Variants in ULK3 observed in about 807,000 individuals in gnomAD.
ULK3 encodes serine/threonine-protein kinase ULK3.
ULK3 carries 54 observed loss-of-function variants against 69.4 expected under a neutral mutation model. That is an observed-to-expected ratio of 0.78 (90% CI 0.63 to 0.98). The LOEUF is 0.98. ULK3 is among the 50% of genes least tolerant of loss of function. The probability of loss-of-function intolerance (pLI) is 0.00; values close to 1 mark genes in which losing one functional copy is unlikely to be tolerated. For synonymous variants in ULK3, 240 were observed against 254.5 expected (o/e 0.94, Z 0.54); for missense variants, 558 against 627.7 (o/e 0.89, Z 1.19).
Position 74,842,373 on chromosome 15 carries a change from A to T in ULK3, c.150T>A (p.Ser50Arg). Reference protein sequence around the residue: ...VVAIKCVAKKSLNKASVENLL... With the variant: ...VVAIKCVAKKRLNKASVENLL... ...GGTTCTCCACCGATGCCTTGTTCAG[A>T]CTTTTCTTGGCTACACACTTTATGG... Residue 50 changes from serine (S) to arginine (R), a missense_variant, in exon 2 of 16, where the codon AGT (serine) becomes AGA (arginine). Physicochemically the swap from Ser to Arg is moderately radical, Grantham distance 110. Coordinates refer to ENST00000440863, the MANE Select transcript of ULK3 (RefSeq NM_001099436.4). The surrounding 1 kb of genome is among the most constrained non-coding windows in gnomAD (Gnocchi z 4.9). 6.2e-7 allele frequency: 1 copy of T among 1,613,924 alleles called. No homozygotes were observed. The highest frequency in any genetic ancestry group is 8.5e-7 in the Non-Finnish European group (1 of 1,179,884).
Position 74,839,056 on chromosome 15 carries a change from G to C in ULK3, c.959-6C>G. ...CCGCTGGGCATCCACTTCATCTGCA[G>C]AAAGTGAGGTCATATGAGGAGTCTG... On this transcript the variant is annotated splice_region_variant and splice_polypyrimidine_tract_variant and intron_variant, in intron 8 of 15. Transcript: ENST00000440863. 1 of 1,602,984 alleles carries C rather than the reference G, an allele frequency of 6.2e-7. No individual in the cohort carries two copies. The highest frequency in any genetic ancestry group is 8.5e-7 in the Non-Finnish European group (1 of 1,174,948).
chr15:74,841,575 G>A (rs924522451), intron 3 of ULK3, 66 bp from the exon 4 acceptor site: 23 of 1,369,884 alleles, frequency 1.7e-5, no homozygotes, highest in African/African-American at 2.9e-5. Flanking sequence ...TCGCCTCCCC[G>A]GCTCACATCT....
chr15:74,837,702 G>A (rs1443238094), intron 14 of ULK3, 49 bp downstream of exon 14: 2 of 1,558,714 alleles, frequency 1.3e-6, no homozygotes, highest in Non-Finnish European at 8.7e-7. Flanking sequence ...CAAGCAGAGA[G>A]CAACAGAACC....
intron 6 of ULK3, 44 bp from the exon 7 acceptor site, chr15:74,839,757 C>T (rs755816569): frequency 3.1e-5 from 46 of 1,477,612 alleles, no homozygotes; most frequent in African/African-American, 5.6e-5. Context: ...CTGGGCTCCT[C>T]CACCCCTACC....
In ULK3 at chr15:74,837,738, CCCATGTGCCCACCT is replaced by C; in HGVS notation, c.1334_1335+12del. 1 of 1,591,990 alleles carries C rather than the reference CCCATGTGCCCACCT, an allele frequency of 6.3e-7. No homozygotes were observed. The highest frequency in any genetic ancestry group is 8.6e-7 in the Non-Finnish European group (1 of 1,168,542). On this transcript the variant is annotated splice_donor_variant and splice_donor_5th_base_variant and coding_sequence_variant and intron_variant, in exon 14 of 16. Transcript: ENST00000440863. LOFTEE classifies it high-confidence loss of function. ...CACAGACCCTAGCCCCAGCGTGGCC[CCCATGTGCCCACCT>C]TGACCTGCTCCTTCAAGTATTCAGC... is the stretch of plus-strand genomic sequence containing the variant.
Position 74,837,071 on chromosome 15 carries a change from G to A in ULK3, c.*157C>T. On this transcript the variant is annotated 3_prime_UTR_variant, in exon 16 of 16. Coordinates refer to ENST00000440863, the MANE Select transcript of ULK3 (RefSeq NM_001099436.4). ...ATCTGTGGGGTGCAGAGTAACCTGA[G>A]GGAGGCTGGGGACTCTGGGATATGG... 1 of 1,025,716 alleles carries A rather than the reference G, an allele frequency of 9.7e-7. No individual in the cohort carries two copies. Among genetic ancestry groups the A allele is most frequent in the Non-Finnish European group, 1.4e-6 (1 of 722,074 alleles). 63.5% of individuals were successfully genotyped at this position (1,025,716 alleles called of 1,614,324 possible).
intron 8 of ULK3, 83 bp from the exon 9 acceptor site, chr15:74,839,133 A>T (rs1321199802): frequency 6.5e-7 from 1 of 1,545,986 alleles, no homozygotes; most frequent in Non-Finnish European, 8.8e-7. Flanking sequence ...CTCAAAACAC[A>T]ATATTCCAGG....
intron 9 of ULK3, 49 bp downstream of exon 9, chr15:74,838,961 C>T (rs760562604): frequency 1.9e-6 from 3 of 1,568,076 alleles, no homozygotes; most frequent in Admixed American, 1.9e-5. Flanking sequence ...CCGAGATCTC[C>T]GGGCCTTACC....
In ULK3 at chr15:74,840,597, C is replaced by T; in HGVS notation, c.514G>A (p.Val172Met). Reference protein sequence around the residue: ...QHMSPWDEKHVLRGSPLYMAP... With the variant: ...QHMSPWDEKHMLRGSPLYMAP... ...ATGTAGAGGGGGGAGCCACGGAGCACGTGCTTCTCATCCCACGGGGACATG... is the reference window on the plus strand; with the variant it reads ...ATGTAGAGGGGGGAGCCACGGAGCATGTGCTTCTCATCCCACGGGGACATG... Residue 172 changes from valine to methionine, a missense_variant, in exon 5 of 16, where the codon GTG (valine) becomes ATG (methionine). By Grantham distance (21) the Val-to-Met change is conservative. Transcript: ENST00000440863. 6.2e-7 allele frequency: 1 copy of T among 1,604,114 alleles called. No individual in the cohort carries two copies. Among genetic ancestry groups the T allele is most frequent in the Middle Eastern group, 1.7e-4 (1 of 5,994 alleles).
chr15:74,839,152 C>T, intron 8 of ULK3, 102 bp from the exon 9 acceptor site: 2 of 1,536,118 alleles, frequency 1.3e-6, no homozygotes, highest in Non-Finnish European at 1.8e-6. Flanking sequence ...GGTTTACGCT[C>T]TGCTTTATCG....
At position 74,843,045 on chromosome 15, in the gene ULK3, C is replaced by A; in HGVS notation, c.61G>T (p.Gly21Cys). The A allele has an allele frequency of 6.5e-7, 1 of 1,527,276 alleles. No homozygotes were observed. Among genetic ancestry groups the A allele is most frequent in the Non-Finnish European group, 8.8e-7 (1 of 1,135,474 alleles). The allele number at this position is 1,527,276 out of a possible 1,614,324, so 94.6% of individuals were successfully genotyped here. ...TACACCGTGGCGTACGTGCCGCTGC[C>A]CAGGCGCTCGGTGAGGATGAAGCCG... ...LDGFILTERL[G>C]SGTYATVYKA... is the part of the protein sequence containing the mutation. Residue 21 changes from glycine to cysteine, a missense_variant, in exon 1 of 16, where the codon GGC becomes TGC. Gly to Cys is a radical substitution (Grantham distance 159). Transcript: ENST00000440863.
rs191110654 is a variant in ULK3 at position 74,840,164 on chromosome 15, C to A, written c.696+70G>T. 13,543 of 1,519,450 alleles carry A rather than the reference C, an allele frequency of 8.9e-3. 92 individuals carry two copies. Among genetic ancestry groups the A allele is most frequent in the Non-Finnish European group, 0.011 (11,960 of 1,120,312 alleles). The allele number at this position is 1,519,450 out of a possible 1,614,324, so 94.1% of individuals were successfully genotyped here. Reference sequence around the variant, plus strand: ...ATACTCCAGTCTCTGCAGGTCAGAACGAGGTCTAAACCCTCAGGGCCCTGA... The same window carrying A: ...ATACTCCAGTCTCTGCAGGTCAGAAAGAGGTCTAAACCCTCAGGGCCCTGA... On this transcript the variant is annotated intron_variant, in intron 6 of 15. Transcript: ENST00000440863.
At chr15:74,840,804 C>A in intron 4 of ULK3, 163 bp from the exon 5 acceptor site, 1 of 974,350 alleles carries the variant, frequency 1.0e-6, no homozygotes. Context: ...CCTATATCTG[C>A]CTCTGGGGTA....
chr15:74,837,426 A>G lies in ULK3; in HGVS notation c.1345T>C (p.Ser449Pro). 6.2e-7 allele frequency: 1 copy of G among 1,612,112 alleles called. No individual in the cohort carries two copies. Among genetic ancestry groups the G allele is most frequent in the Non-Finnish European group, 8.5e-7 (1 of 1,179,180 alleles). The part of the protein sequence containing the change: ...YLKEQVKMRE[S>P]RWEADTLDKE... The stretch of plus-strand genomic sequence containing the variant: ...TCCAGGGTGTCAGCTTCCCAGCGAG[A>G]TTCCCTCATCTGTGGGATGTGAAGG... The change falls in exon 15 of 16, where the codon TCT becomes CCT. Residue 449 changes from serine (S) to proline (P), a missense_variant. Coordinates refer to ENST00000440863, the MANE Select transcript of ULK3 (RefSeq NM_001099436.4).
chr15:74,841,436 G>A lies in ULK3; in HGVS notation c.438C>T (p.Ser146=), dbSNP rs748763553. Reference sequence around the variant, plus strand: ...GTTTTAGGTGGGGCTTCTCCAAGGAGCTCAGTAGAATGTTCTGTGGCTTCA... The same window carrying A: ...GTTTTAGGTGGGGCTTCTCCAAGGAACTCAGTAGAATGTTCTGTGGCTTCA... ...LDLKPQNILL[S]SLEKPHLKLA... is the part of the protein sequence containing the mutation. The change falls in exon 4 of 16, where the codon AGC becomes AGT. Residue 146 remains serine (S), a synonymous_variant. Coordinates refer to ENST00000440863, the MANE Select transcript of ULK3 (RefSeq NM_001099436.4). 1 of 1,613,940 alleles carries A rather than the reference G, an allele frequency of 6.2e-7. No homozygotes were observed. Among genetic ancestry groups the A allele is most frequent in the East Asian group, 2.2e-5 (1 of 44,888 alleles).
At chr15:74,838,895 C>A in intron 9 of ULK3, 115 bp downstream of exon 9, 1 of 1,458,894 alleles carries the variant, frequency 6.9e-7, no homozygotes, top group Non-Finnish European at 9.4e-7. Flanking sequence ...CCATTCCCAG[C>A]TCTGTGTTGC....
In ULK3 at chr15:74,839,555, C is replaced by T. The variant is rs767638830; in HGVS notation, c.852+3G>A. ...CCCACCCCAGCCCCAGCCGTCTGCT[C>T]ACTGCTCGCCCCAGACTCTCCCCAC... On this transcript the variant is annotated splice_donor_region_variant and intron_variant, in intron 7 of 15. Coordinates refer to ENST00000440863, the MANE Select transcript of ULK3 (RefSeq NM_001099436.4). 1.0e-5 allele frequency: 16 copies of T among 1,554,634 alleles called. No homozygotes were observed. Among genetic ancestry groups the T allele is most frequent in the Non-Finnish European group, 1.4e-5 (16 of 1,151,064 alleles).
chr15:74,838,061 C>T (rs2064088931), intron 13 of ULK3, 91 bp downstream of exon 13: 3 of 1,509,702 alleles, frequency 2.0e-6, no homozygotes, highest in Non-Finnish European at 8.9e-7. Context: ...GACAGTGGGA[C>T]ATTCCAGAGG....
At position 74,842,987 on chromosome 15, in the gene ULK3, C is replaced by T. The variant is rs1333332325; in HGVS notation, c.102+17G>A. On this transcript the variant is annotated intron_variant, in intron 1 of 15. Coordinates refer to ENST00000440863, the MANE Select transcript of ULK3 (RefSeq NM_001099436.4). This position sits in a 1 kb window ranked among gnomAD's most constrained non-coding sequence, Gnocchi z 4.9. ...GAGCTAGCTCGGGCGGGCACGGGGC[C>T]ATCGGCCGGCACCCACCTTGGCGTA... is the stretch of plus-strand genomic sequence containing the variant. 1 of 1,544,844 alleles carries T rather than the reference C, an allele frequency of 6.5e-7. No homozygotes were observed. The highest frequency in any genetic ancestry group is 2.5e-5 in the East Asian group (1 of 40,790).
Sources: gnomAD v4.1 joint callset for allele counts on GRCh38, gnomAD v4.1.1 for gene constraint, Gnocchi (gnomAD v3.1) non-coding constraint, MANE v1.5 for transcripts, NCBI Gene and HGNC (gene_info 2026-07-23, HGNC 2026-07-21) for gene names.